The following BTAF1 variants were observed in gnomAD, a reference collection of about 807,000 sequenced individuals.
The protein encoded by BTAF1 is TATA-binding protein-associated factor 172.
Under a neutral mutation model 227.1 loss-of-function variants are expected in BTAF1, and 38 were observed. The ratio of observed to expected loss-of-function variants is 0.17; its 90% CI spans 0.13 to 0.22. BTAF1 has a LOEUF of 0.22. Among genes scored for constraint, BTAF1 ranks in the 10% least tolerant of loss-of-function variants. BTAF1 has a pLI of 1.00. For synonymous variants in BTAF1, 742 were observed against 751.9 expected (o/e 0.99, Z 0.21); for missense variants, 1,598 against 2,204.0 (o/e 0.73, Z 5.51).
intron 2 of BTAF1, among the ~76,000 whole-genome samples, chr10:91,939,300 C>T (rs1347101842): frequency 6.6e-6 from 1 of 152,162 alleles, no homozygotes; most frequent in Non-Finnish European, 1.5e-5. Flanking sequence ...TTATATCTTA[C>T]AACCATACTA....
At chr10:91,962,421 G>A in intron 11 of BTAF1, 117 bp from the exon 12 acceptor site, 1 of 680,456 alleles carries the variant, frequency 1.5e-6, no homozygotes, top group Non-Finnish European at 2.5e-6. Flanking sequence ...TTGTTAAGCA[G>A]TGCATGACTA....
chr10:91,942,326 G>A, intron 3 of BTAF1, 96 bp from the exon 4 acceptor site: 2 of 737,130 alleles, frequency 2.7e-6, no homozygotes, highest in Non-Finnish European at 4.4e-6. Flanking sequence ...GTGTGTGTGT[G>A]TGTGTAACCC....
Position 91,981,669 on chromosome 10 carries a change from T to C in BTAF1, c.1782T>C (p.Ala594=). ...TTTGGATGGAACTGTTGAGTAAGGC[T>C]TCAGTTCAGTATGTGGTAGCAGCTG... The part of the protein sequence containing the change: ...HKVWMELLSK[A]SVQYVVAAAC... The change falls in exon 16 of 38, where the codon GCT becomes GCC. Residue 594 remains alanine (A), a synonymous_variant. Transcript: ENST00000265990. 6.2e-7 allele frequency: 1 copy of C among 1,612,584 alleles called. No homozygotes were observed. The highest frequency in any genetic ancestry group is 8.5e-7 in the Non-Finnish European group (1 of 1,179,472).
At chr10:91,946,031 A>G (rs1402460905) in intron 4 of BTAF1, among the ~76,000 whole-genome samples, 1 of 152,224 alleles carries the variant, frequency 6.6e-6, no homozygotes, top group Non-Finnish European at 1.5e-5. Context: ...ATTCCATTGT[A>G]TGAATACCAC....
At chr10:92,007,071 G>GC (rs1263337582) in intron 25 of BTAF1, among the ~76,000 whole-genome samples, 1 of 151,220 alleles carries the variant, frequency 6.6e-6, no homozygotes, top group Non-Finnish European at 1.5e-5. Flanking sequence ...GGCTAGTTCA[G>GC]CTCCTCAACA....
At chr10:91,956,767 T>C (rs1846118359) in intron 7 of BTAF1, 110 bp downstream of exon 7, 2 of 1,184,244 alleles carry the variant, frequency 1.7e-6, no homozygotes, top group East Asian at 5.1e-5. Context: ...AGGCGGGCGT[T>C]ATCACGAGGT....
intron 25 of BTAF1, among the ~76,000 whole-genome samples, chr10:92,003,135 G>A (rs1354052909): frequency 5.1e-5 from 7 of 138,134 alleles, no homozygotes; most frequent in South Asian, 4.9e-4. Context: ...CAGCTTGGGC[G>A]ACAGAGTGAG....
intron 20 of BTAF1, among the ~76,000 whole-genome samples, chr10:91,991,201 G>A (rs960750101): frequency 1.5e-4 from 22 of 149,112 alleles, no homozygotes; most frequent in African/African-American, 5.4e-4. Context: ...AGCCGAGATC[G>A]CACTGCTGCA....
intron 14 of BTAF1, among the ~76,000 whole-genome samples, chr10:91,975,945 C>T (rs142367038): frequency 6.6e-6 from 1 of 152,310 alleles, no homozygotes; most frequent in East Asian, 1.9e-4. Flanking sequence ...TGGTATCATA[C>T]AATTCAGTTC....
intron 14 of BTAF1, among the ~76,000 whole-genome samples, chr10:91,978,200 A>C (rs576667017): frequency 6.6e-6 from 1 of 152,194 alleles, no homozygotes; most frequent in South Asian, 2.1e-4. Context: ...TAATAATTAT[A>C]AAGTAGAATT....
At chr10:92,012,640 G>C (rs1022667735) in intron 30 of BTAF1, among the ~76,000 whole-genome samples, 1 of 151,112 alleles carries the variant, frequency 6.6e-6, no homozygotes, top group Non-Finnish European at 1.5e-5. Flanking sequence ...GCATGGTGAC[G>C]CACGCCTGTA....
intron 1 of BTAF1, among the ~76,000 whole-genome samples, chr10:91,932,562 A>G (rs1230654053): frequency 6.6e-6 from 1 of 152,210 alleles, no homozygotes; most frequent in Non-Finnish European, 1.5e-5. Flanking sequence ...GTTGTGCGAG[A>G]CAAAAAGAAT....
intron 21 of BTAF1, 130 bp downstream of exon 21, chr10:91,992,439 C>T: frequency 1.2e-6 from 1 of 853,810 alleles, no homozygotes; most frequent in Non-Finnish European, 1.7e-6. Flanking sequence ...TTTTGGAGTA[C>T]TCCAACAATA....
At chr10:92,015,910 G>T (rs940118397) in intron 32 of BTAF1, among the ~76,000 whole-genome samples, 1 of 152,220 alleles carries the variant, frequency 6.6e-6, no homozygotes. Context: ...AAAATTTGGT[G>T]TCTTGAAACA....
intron 1 of BTAF1, among the ~76,000 whole-genome samples, chr10:91,927,141 AT>A (rs60927634): frequency 0.69 from 99,036 of 143,612 alleles, 34,248 homozygotes; most frequent in South Asian, 0.81. Flanking sequence ...TTTTTGTTTG[AT>A]TTTTTTTTTT....
chr10:91,938,879 G>A (rs1435698504), intron 2 of BTAF1, among the ~76,000 whole-genome samples: 1 of 150,030 alleles, frequency 6.7e-6, no homozygotes, highest in East Asian at 2.0e-4. Flanking sequence ...AATAAAAAAA[G>A]TGTGAGTCTA....
chr10:91,961,574 T>C (rs990928248), intron 11 of BTAF1, among the ~76,000 whole-genome samples: 15 of 152,132 alleles, frequency 9.9e-5, no homozygotes, highest in African/African-American at 3.6e-4. Flanking sequence ...CTGCCCCTTT[T>C]AGTGCTCTTC....
intron 32 of BTAF1, 68 bp from the exon 33 acceptor site, chr10:92,016,272 T>C: frequency 3.2e-6 from 5 of 1,538,674 alleles, no homozygotes; most frequent in Non-Finnish European, 4.3e-6. Flanking sequence ...TGGCCTTTGC[T>C]GGTTATGTGT....
chr10:91,944,908 T>C (rs1042437444), intron 4 of BTAF1, among the ~76,000 whole-genome samples: 3 of 152,254 alleles, frequency 2.0e-5, no homozygotes, highest in Admixed American at 6.5e-5. Context: ...ACCTTTTCTA[T>C]GTTTAGATAT....
Sources: gnomAD v4.1 joint callset for allele counts (sites outside exome capture counted in the v4.1 genomes callset) on GRCh38, gnomAD v4.1.1 for gene constraint, MANE v1.5 for transcripts, NCBI Gene and HGNC (gene_info 2026-07-23, HGNC 2026-07-21) for gene names.